Variants in NCOR2 observed in about 807,000 individuals in gnomAD.
NCOR2 encodes CTG repeat protein 26.
NCOR2 carries 81 observed loss-of-function variants against 262.9 expected under a neutral mutation model. The ratio of observed to expected loss-of-function variants is 0.31; its 90% CI spans 0.26 to 0.37. The LOEUF is 0.37. Among genes scored for constraint, NCOR2 ranks in the 10% least tolerant of loss-of-function variants. NCOR2 has a pLI of 1.00. For missense variants in NCOR2, 3,385 were observed against 3,621.4 expected (o/e 0.93, Z 1.68); for synonymous variants, 1,659 against 1,559.3 (o/e 1.06, Z -1.51).
intron 2 of NCOR2, among the ~76,000 whole-genome samples, chr12:124,484,334 G>A (rs2047663483): frequency 6.6e-6 from 1 of 152,194 alleles, no homozygotes; most frequent in Non-Finnish European, 1.5e-5. Context: ...GCCTGGTGCA[G>A]AGACTGGAGC....
intron 1 of NCOR2, among the ~76,000 whole-genome samples, chr12:124,561,084 G>C (rs890441493): frequency 1.3e-5 from 2 of 152,210 alleles, no homozygotes; most frequent in Non-Finnish European, 2.9e-5. Flanking sequence ...GATTCCTCCG[G>C]GTCCGGCTGG....
At chr12:124,486,887 C>T (rs867715282) in intron 1 of NCOR2, among the ~76,000 whole-genome samples, 3 of 152,322 alleles carry the variant, frequency 2.0e-5, no homozygotes, top group South Asian at 2.1e-4. Context: ...CTGTCTGAGG[C>T]CACAGGCTAA....
At chr12:124,384,180 T>A (rs1441910414) in intron 17 of NCOR2, among the ~76,000 whole-genome samples, 1 of 152,222 alleles carries the variant, frequency 6.6e-6, no homozygotes, top group Non-Finnish European at 1.5e-5. Context: ...CTGACCTGGC[T>A]GACAGAATCA....
chr12:124,518,491 C>A (rs372389184), intron 1 of NCOR2, among the ~76,000 whole-genome samples: 1 of 152,234 alleles, frequency 6.6e-6, no homozygotes, highest in African/African-American at 2.4e-5. Flanking sequence ...GCGACAAGTG[C>A]GGGGCCGCCT....
chr12:124,499,917 CAG>C (rs1427649894), upstream of NCOR2, among the ~76,000 whole-genome samples: 2 of 152,104 alleles, frequency 1.3e-5, no homozygotes, highest in East Asian at 3.9e-4. Flanking sequence ...GCAACAGCGA[CAG>C]AGAAGGGGAA....
exon 12 of NCOR2, chr12:124,422,522 G>T (rs755693513): frequency 1.4e-5 from 23 of 1,614,088 alleles, no homozygotes; most frequent in Non-Finnish European, 1.9e-5. Context: ...GGAATGATGC[G>T]ATCAGGCCAA....
At chr12:124,374,965 C>A (rs2039873473) in intron 18 of NCOR2, among the ~76,000 whole-genome samples, 1 of 152,220 alleles carries the variant, frequency 6.6e-6, no homozygotes, top group Non-Finnish European at 1.5e-5. Flanking sequence ...GAGCAGAGGC[C>A]ACCCTTTTTA....
exon 34 of NCOR2, chr12:124,341,875 G>T (rs944059444): frequency 9.3e-6 from 15 of 1,611,836 alleles, no homozygotes; most frequent in Non-Finnish European, 1.3e-5. Flanking sequence ...GGGGCGAGAG[G>T]CCCCTCAGCA....
At chr12:124,543,212 G>A (rs575118177) in intron 1 of NCOR2, among the ~76,000 whole-genome samples, 15 of 152,188 alleles carry the variant, frequency 9.9e-5, no homozygotes, top group South Asian at 2.1e-4. Flanking sequence ...CCGTCCAGAG[G>A]GGGACTGAGG....
intron 1 of NCOR2, among the ~76,000 whole-genome samples, chr12:124,533,045 T>TC (rs1409686999): frequency 1.0e-5 from 1 of 96,470 alleles, no homozygotes; most frequent in African/African-American, 4.8e-5. Context: ...ATCCCACTCC[T>TC]CCTCCCCCAC....
intron 1 of NCOR2, among the ~76,000 whole-genome samples, chr12:124,501,925 G>GC (rs2048761030): frequency 6.6e-6 from 1 of 152,198 alleles, no homozygotes; most frequent in South Asian, 2.1e-4. Flanking sequence ...GGAGAAGCCG[G>GC]CCCGGGGGGA....
chr12:124,454,388 C>T lies in NCOR2; in HGVS notation c.762+2718G>A, dbSNP rs957865877. On this transcript the variant is annotated intron_variant, in intron 6 of 46. Transcript: ENST00000405201. The surrounding 1 kb of genome is among the most constrained non-coding windows in gnomAD (Gnocchi z 5.6). ...TGCTCTGAGATCCCCAAGTGGAAGA[C>T]AACCCCGTCCCCTTGTCTCCAAAGA... Among the ~76,000 whole-genome samples the T allele has an allele frequency of 5.9e-5, 9 of 152,210 alleles. No individual in the cohort carries two copies. Among genetic ancestry groups the T allele is most frequent in the African/African-American group, 9.7e-5 (4 of 41,436 alleles).
chr12:124,566,151 C>T lies in NCOR2; in HGVS notation c.-165+1157G>A, dbSNP rs943767364. ...CCTCTTCCCTCCCTCACACATCCTT[C>T]CTCCAAATCTGCAAAAAGGGAAAAA... On this transcript the variant is annotated intron_variant, in intron 1 of 32. Coordinates refer to the NCOR2 transcript ENST00000458234. The surrounding 1 kb of genome is among the most constrained non-coding windows in gnomAD (Gnocchi z 4.3). 1.3e-5 allele frequency among the ~76,000 whole-genome samples: 2 copies of T among 152,014 alleles called. No homozygotes were observed. The highest frequency in any genetic ancestry group is 4.8e-5 in the African/African-American group (2 of 41,412).
At chr12:124,488,352 A>G (rs886502818) in intron 1 of NCOR2, among the ~76,000 whole-genome samples, 1 of 152,202 alleles carries the variant, frequency 6.6e-6, no homozygotes, top group Non-Finnish European at 1.5e-5. Context: ...GTAGATACCA[A>G]AAGCTGCAAG....
chr12:124,472,222 G>A (rs1203981432), intron 4 of NCOR2, among the ~76,000 whole-genome samples: 1 of 152,138 alleles, frequency 6.6e-6, no homozygotes, highest in Non-Finnish European at 1.5e-5. Flanking sequence ...GATTATCAAA[G>A]AATTGTATAT....
At chr12:124,394,024 C>A (rs2041494693) in intron 16 of NCOR2, among the ~76,000 whole-genome samples, 2 of 152,266 alleles carry the variant, frequency 1.3e-5, no homozygotes, top group Non-Finnish European at 2.9e-5. Context: ...TTACCTCCGA[C>A]CCCCATCGCC....
chr12:124,355,382 T>C (rs200240322), intron 24 of NCOR2, 50 bp downstream of exon 26: 3 of 1,597,188 alleles, frequency 1.9e-6, no homozygotes, highest in East Asian at 4.5e-5. Context: ...TTGCCCCCAC[T>C]TTACAGATAA....
At chr12:124,335,701 C>A (rs1430851943) in intron 38 of NCOR2, 69 bp from the exon 41 acceptor site, 5 of 1,516,600 alleles carry the variant, frequency 3.3e-6, no homozygotes, top group African/African-American at 2.7e-5. Flanking sequence ...GGCAGGGCTG[C>A]CCTCCCAGCT....
rs148375505 is a variant in NCOR2 at position 124,440,236 on chromosome 12, G to C, written c.816-2240C>G. ...CTCAAAAGTTCCAAAGCTACTGACT[G>C]GGAGCCACGCTATGTCCAGCCCCCG... On this transcript the variant is annotated intron_variant, in intron 7 of 46. Coordinates refer to ENST00000405201, the Ensembl canonical transcript of NCOR2. This position sits in a 1 kb window ranked among gnomAD's most constrained non-coding sequence, Gnocchi z 5.7. Among the ~76,000 whole-genome samples, 1 of 152,202 alleles carries C rather than the reference G, an allele frequency of 6.6e-6. No homozygotes were observed. The highest frequency in any genetic ancestry group is 2.4e-5 in the African/African-American group (1 of 41,424).
Sources: allele counts gnomAD v4.1 joint callset (sites outside exome capture counted in the v4.1 genomes callset), GRCh38; gene constraint gnomAD v4.1.1; non-coding constraint Gnocchi (gnomAD v3.1); transcripts MANE v1.5; gene names NCBI Gene and HGNC (gene_info 2026-07-23, HGNC 2026-07-21).